NSD2: variants seen among roughly 807,000 people sequenced by gnomAD.
NSD2 encodes the protein nuclear receptor binding SET domain protein 2, also known as histone-lysine N-methyltransferase NSD2.
A neutral mutation model predicts 139.0 loss-of-function variants in NSD2; 12 were observed. The ratio of observed to expected loss-of-function variants is 0.09; its 90% CI spans 0.06 to 0.14. NSD2 has a LOEUF of 0.14. Among genes scored for constraint, NSD2 ranks in the 10% least tolerant of loss-of-function variants. NSD2 has a pLI of 1.00. For missense variants in NSD2, 1,155 were observed against 1,745.0 expected, an observed-to-expected ratio of 0.66 and a Z score of 6.02; for synonymous variants, 669 against 648.7, an observed-to-expected ratio of 1.03 and a Z score of -0.48.
chr4:1,935,803 G>A (rs1722316429), intron 7 of NSD2, among the ~76,000 whole-genome samples: 1 of 152,060 alleles, frequency 6.6e-6, no homozygotes, highest in Non-Finnish European at 1.5e-5. Flanking sequence ...AGAGGTTGCT[G>A]TGAGCTGAGA....
chr4:1,946,973 T>C, intron 9 of NSD2: 5 of 1,062,582 alleles, frequency 4.7e-6, no homozygotes, highest in Non-Finnish European at 5.7e-6. Context: ...TTTTGAAGCA[T>C]GCTGACCATC....
chr4:1,967,515 T>C (rs561022151), intron 18 of NSD2, among the ~76,000 whole-genome samples: 1 of 151,748 alleles, frequency 6.6e-6, no homozygotes, highest in South Asian at 2.1e-4. Flanking sequence ...GAGGCAGAGG[T>C]TTCAGTGAGC....
rs1553856494 is a variant in NSD2 at position 1,872,633 on chromosome 4, A to AGCGAGC, written c.-30+1092_-30+1093insCGAGCG. 3.1e-5 allele frequency among the ~76,000 whole-genome samples: 4 copies of AGCGAGC among 131,118 alleles called. No homozygotes were observed. In the South Asian group the frequency reaches 1.0e-3, roughly 34 times the overall value. 86.0% of individuals were successfully genotyped at this position (131,118 alleles called of 152,430 possible). ...GAGAGAGAGAGAGAGAGAGAGAGAG[A>AGCGAGC]GAGCGCGCAGACCCTGTGAAGACAA... On this transcript the variant is annotated intron_variant, in intron 1 of 21. Coordinates refer to ENST00000508803, the MANE Select transcript of NSD2 (RefSeq NM_001042424.3).
intron 3 of NSD2, among the ~76,000 whole-genome samples, chr4:1,915,585 C>T (rs998604800): frequency 1.3e-5 from 2 of 152,178 alleles, no homozygotes; most frequent in African/African-American, 4.8e-5. Flanking sequence ...TTCATTCATA[C>T]TGGATGCTTC....
At chr4:1,872,665 T>G (rs1044271484) in intron 1 of NSD2, among the ~76,000 whole-genome samples, 1 of 127,434 alleles carries the variant, frequency 7.8e-6, no homozygotes, top group African/African-American at 2.9e-5. Context: ...ACAAGACTAA[T>G]TGGATAAAGT....
intron 3 of NSD2, among the ~76,000 whole-genome samples, chr4:1,906,654 CTTTTTTTTTTTTT>C (rs537619996): frequency 3.0e-5 from 3 of 99,910 alleles, no homozygotes; most frequent in Non-Finnish European, 5.8e-5. Flanking sequence ...CTCTCTCTCT[CTTTTTTTTTTTTT>C]TTTTTTTTTT....
intron 1 of NSD2, among the ~76,000 whole-genome samples, chr4:1,885,488 A>C (rs1715018054): frequency 6.6e-6 from 1 of 152,130 alleles, no homozygotes; most frequent in African/African-American, 2.4e-5. Context: ...ATGTTGATAA[A>C]ACTTCTGAGG....
intron 3 of NSD2, among the ~76,000 whole-genome samples, chr4:1,913,073 T>TAATTG (rs1560624364): frequency 6.6e-6 from 1 of 152,234 alleles, no homozygotes; most frequent in Non-Finnish European, 1.5e-5. Context: ...TATTCAAATA[T>TAATTG]TATAACAATC....
chr4:1,953,626 G>T, intron 12 of NSD2, 102 bp downstream of exon 12: 1 of 1,404,980 alleles, frequency 7.1e-7, no homozygotes, highest in Admixed American at 2.3e-5. Flanking sequence ...TCACCAAAGA[G>T]CATTAATTAT....
intron 18 of NSD2, among the ~76,000 whole-genome samples, chr4:1,964,102 T>C (rs1199350168): frequency 6.6e-6 from 1 of 152,196 alleles, no homozygotes; most frequent in Admixed American, 6.5e-5. Flanking sequence ...GCTTTGCTTT[T>C]AGCGAGGACC....
chr4:1,966,596 G>A (rs370637597), intron 18 of NSD2, among the ~76,000 whole-genome samples: 90 of 151,158 alleles, frequency 6.0e-4, no homozygotes, highest in South Asian at 3.3e-3. Flanking sequence ...GGCGGAACTT[G>A]CAGTGAGCCA....
chr4:1,950,135 C>G (rs1724056509), intron 9 of NSD2, among the ~76,000 whole-genome samples: 1 of 152,180 alleles, frequency 6.6e-6, no homozygotes, highest in Non-Finnish European at 1.5e-5. Context: ...TTTTTAAACA[C>G]TTGATTTGAC....
intron 19 of NSD2, 90 bp from the exon 20 acceptor site, chr4:1,975,199 AATAAG>A: frequency 1.4e-6 from 2 of 1,427,336 alleles, no homozygotes; most frequent in Non-Finnish European, 2.0e-6. Flanking sequence ...ATACAAAAAT[AATAAG>A]AGTATTTTTG....
intron 1 of NSD2, among the ~76,000 whole-genome samples, chr4:1,872,579 TGTGTGTGTGTGTGAGAGAGAGA>T (rs1410799735): frequency 4.4e-5 from 3 of 68,952 alleles, no homozygotes; most frequent in African/African-American, 1.5e-4. Flanking sequence ...TGTGTGTGTG[TGTGTGTGTGTGTGAGAGAGAGA>T]GAGAGAGAGA....
In NSD2 at chr4:1,974,768, C is replaced by A; in HGVS notation, c.3373-95C>A. On this transcript the variant is annotated intron_variant, in intron 18 of 21. Coordinates refer to ENST00000508803, the MANE Select transcript of NSD2 (RefSeq NM_001042424.3). This position sits in a 1 kb window ranked among gnomAD's most constrained non-coding sequence, Gnocchi z 4.0. ...ACGGTTTTCAGTACAACAAGGAACA[C>A]AACTTGTTCAATGTGCTTTATGATG... is the stretch of plus-strand genomic sequence containing the variant. 6.4e-7 allele frequency: 1 copy of A among 1,553,232 alleles called. No individual in the cohort carries two copies. Among genetic ancestry groups the A allele is most frequent in the Non-Finnish European group, 8.9e-7 (1 of 1,128,546 alleles).
chr4:1,964,644 A>T (rs1241385832), intron 18 of NSD2, among the ~76,000 whole-genome samples: 2 of 152,026 alleles, frequency 1.3e-5, no homozygotes, highest in Non-Finnish European at 2.9e-5. Flanking sequence ...TGCCGTTGTT[A>T]TCACACCTCC....
rs1383971689 is a variant in NSD2, at chr4:1,958,604, C to T, written c.2985+568C>T. On this transcript the variant is annotated intron_variant, in intron 16 of 21. Transcript: ENST00000508803. This position sits in a 1 kb window ranked among gnomAD's most constrained non-coding sequence, Gnocchi z 4.6. Reference sequence around the variant, plus strand: ...GCCGCATCCCCAGGAGCCTCGTGGCCGTTCCTGACGAGTGTTTGTGATAAG... The same window carrying T: ...GCCGCATCCCCAGGAGCCTCGTGGCTGTTCCTGACGAGTGTTTGTGATAAG... Among the ~76,000 whole-genome samples, 1 of 152,256 alleles carries T rather than the reference C, an allele frequency of 6.6e-6. No individual in the cohort carries two copies. The highest frequency in any genetic ancestry group is 6.5e-5 in the Admixed American group (1 of 15,294).
chr4:1,914,812 T>C (rs1178491938), intron 3 of NSD2, among the ~76,000 whole-genome samples: 1 of 152,202 alleles, frequency 6.6e-6, no homozygotes. Context: ...TATTTCTTGT[T>C]CCATTAACTT....
In NSD2 at chr4:1,918,516, G is replaced by A. The variant is rs765853067; in HGVS notation, c.1303G>A (p.Val435Ile). 6.2e-7 allele frequency: 1 copy of A among 1,613,988 alleles called. No individual in the cohort carries two copies. The highest frequency in any genetic ancestry group is 8.5e-7 in the Non-Finnish European group (1 of 1,179,952). ...GGCAGAGGCTGACCCCAGAAGAGGA[G>A]TAGGGTCTCCTCCTGGGAGGAAGAA... ...KTAEADPRRG[V>I]GSPPGRKKTT... Residue 435 changes from valine (V) to isoleucine (I), a missense_variant, in exon 5 of 22, where the codon GTA becomes ATA. Around this residue, in one of 8 missense-constraint regions of NSD2, gnomAD observed 420 missense variants for 469.0 expected, o/e 0.90. Coordinates refer to ENST00000508803, the MANE Select transcript of NSD2 (RefSeq NM_001042424.3).
Sources: gnomAD v4.1 joint callset for allele counts (sites outside exome capture counted in the v4.1 genomes callset) on GRCh38, gnomAD v4.1.1 for gene constraint, gnomAD v4.1.1 regional missense constraint, Gnocchi (gnomAD v3.1) non-coding constraint, MANE v1.5 for transcripts, NCBI Gene and HGNC (gene_info 2026-07-23, HGNC 2026-07-21) for gene names.